FBXO4: variants seen among roughly 807,000 people sequenced by gnomAD.
FBXO4 encodes the protein F-box only protein 4.
Under a neutral mutation model 43.7 loss-of-function variants are expected in FBXO4, and 36 were observed. The ratio of observed to expected loss-of-function variants is 0.82; its 90% CI spans 0.63 to 1.09. The LOEUF (loss-of-function observed/expected upper bound fraction) is 1.09, where lower values mean the gene tolerates loss of function less well. Among genes scored for constraint, FBXO4 ranks in the 50% least tolerant of loss-of-function variants. FBXO4 has a pLI of 0.00. For missense variants in FBXO4, 435 were observed against 474.1 expected (o/e 0.92, Z 0.77); for synonymous variants, 180 against 165.6 (o/e 1.09, Z -0.67).
the FBXO4 span, among the ~76,000 whole-genome samples, chr5:41,955,645 G>T: frequency 6.6e-6 from 1 of 152,182 alleles, no homozygotes; most frequent in Non-Finnish European, 1.5e-5. Context: ...TCATAGGGCG[G>T]AGTAGACAGA....
Position 41,926,996 on chromosome 5 carries a change from G to T in FBXO4, c.190-17G>T, listed in dbSNP as rs1207423395. ...TCTTCATTCCTTTTTCCTACCTGCT[G>T]CTTTCTTCTGTTTCAGATTGATGTA... is the stretch of plus-strand genomic sequence containing the variant. On this transcript the variant is annotated splice_polypyrimidine_tract_variant and intron_variant, in intron 1 of 6. Transcript: ENST00000281623. 6.7e-7 allele frequency: 1 copy of T among 1,501,228 alleles called. No homozygotes were observed. The highest frequency in any genetic ancestry group is 9.0e-7 in the Non-Finnish European group (1 of 1,107,626). The allele number at this position is 1,501,228 out of a possible 1,614,324, so 93.0% of individuals were successfully genotyped here.
At chr5:41,983,597 T>A in the FBXO4 span, among the ~76,000 whole-genome samples, 5 of 152,148 alleles carry the variant, frequency 3.3e-5, no homozygotes, top group Non-Finnish European at 5.9e-5. Flanking sequence ...TTTTTCTTGG[T>A]CTTTTCCTAA....
the FBXO4 span, among the ~76,000 whole-genome samples, chr5:41,989,438 A>C: frequency 0.025 from 3,852 of 152,248 alleles, 50 homozygotes; most frequent in Middle Eastern, 0.041. Flanking sequence ...TTCCGTTACG[A>C]TCTTAGCAAG....
At chr5:41,931,042 G>A (rs959834167) in intron 3 of FBXO4, among the ~76,000 whole-genome samples, 1 of 152,310 alleles carries the variant, frequency 6.6e-6, no homozygotes, top group Non-Finnish European at 1.5e-5. Context: ...GTGGAGCTAT[G>A]TGAAAAGACA....
chr5:41,961,728 G>A, the FBXO4 span, among the ~76,000 whole-genome samples: 1 of 152,164 alleles, frequency 6.6e-6, no homozygotes, highest in Admixed American at 6.5e-5. Flanking sequence ...TGGCTTATGG[G>A]CAGGGCACTT....
At chr5:42,018,581 A>G in the FBXO4 span, among the ~76,000 whole-genome samples, 126 of 152,164 alleles carry the variant, frequency 8.3e-4, no homozygotes, top group Non-Finnish European at 1.0e-3. Context: ...TAAAGTGTAG[A>G]AAGTACTTAA....
At chr5:42,039,769 C>T in the FBXO4 span, among the ~76,000 whole-genome samples, 3 of 151,948 alleles carry the variant, frequency 2.0e-5, no homozygotes, top group Non-Finnish European at 4.4e-5. Context: ...AATTAAGTGC[C>T]CAAATCAATT....
At chr5:41,994,936 G>A in the FBXO4 span, among the ~76,000 whole-genome samples, 1 of 152,120 alleles carries the variant, frequency 6.6e-6, no homozygotes, top group Non-Finnish European at 1.5e-5. Context: ...CTGGGCCCAT[G>A]AATCCTGGCC....
the FBXO4 span, among the ~76,000 whole-genome samples, chr5:41,995,109 T>C: frequency 6.6e-6 from 1 of 152,126 alleles, no homozygotes; most frequent in Non-Finnish European, 1.5e-5. Context: ...TTCAGGATGA[T>C]GGGGAACATG....
At chr5:42,026,498 A>G in the FBXO4 span, among the ~76,000 whole-genome samples, 1 of 152,030 alleles carries the variant, frequency 6.6e-6, no homozygotes, top group African/African-American at 2.4e-5. Context: ...AGATTATATC[A>G]TCTGCAAGGA....
chr5:42,025,016 G>A, the FBXO4 span, among the ~76,000 whole-genome samples: 2 of 152,052 alleles, frequency 1.3e-5, no homozygotes, highest in African/African-American at 4.8e-5. Flanking sequence ...AAATATGGGA[G>A]TGCAGATATC....
downstream of FBXO4, among the ~76,000 whole-genome samples, chr5:41,945,396 T>C (rs1300491257): frequency 2.0e-5 from 3 of 152,330 alleles, no homozygotes; most frequent in Admixed American, 6.5e-5. Context: ...ATACATAAAA[T>C]ATTCACAATC....
At chr5:41,977,541 G>A in the FBXO4 span, among the ~76,000 whole-genome samples, 1 of 152,278 alleles carries the variant, frequency 6.6e-6, no homozygotes, top group African/African-American at 2.4e-5. Flanking sequence ...CTGGACACAA[G>A]GCAACCAAGA....
the FBXO4 span, among the ~76,000 whole-genome samples, chr5:42,003,530 T>A: frequency 1.8e-4 from 28 of 152,334 alleles, no homozygotes; most frequent in African/African-American, 6.5e-4. Context: ...ATTTATTTTT[T>A]AAATTACACT....
the FBXO4 span, among the ~76,000 whole-genome samples, chr5:42,003,815 G>A: frequency 6.6e-6 from 1 of 152,008 alleles, no homozygotes; most frequent in Non-Finnish European, 1.5e-5. Context: ...AAGACAGTGT[G>A]GTGATTCCTC....
At chr5:41,956,446 G>A in the FBXO4 span, among the ~76,000 whole-genome samples, 7 of 152,144 alleles carry the variant, frequency 4.6e-5, no homozygotes, top group Non-Finnish European at 1.0e-4. Flanking sequence ...AAACATTAAA[G>A]AGCATTAGTG....
chr5:42,026,496 T>TCATC, the FBXO4 span, among the ~76,000 whole-genome samples: 1 of 151,908 alleles, frequency 6.6e-6, no homozygotes, highest in Non-Finnish European at 1.5e-5. Context: ...GAAGATTATA[T>TCATC]CATCTGCAAG....
the FBXO4 span, among the ~76,000 whole-genome samples, chr5:42,006,520 G>A: frequency 6.6e-6 from 1 of 151,942 alleles, no homozygotes; most frequent in Non-Finnish European, 1.5e-5. Flanking sequence ...ATAGTATATA[G>A]CAATAAGTAA....
At chr5:42,032,190 C>T in the FBXO4 span, among the ~76,000 whole-genome samples, 1 of 151,898 alleles carries the variant, frequency 6.6e-6, no homozygotes, top group Non-Finnish European at 1.5e-5. Flanking sequence ...CTGAAGCCAG[C>T]ACAGCACTAT....
Sources: allele counts gnomAD v4.1 joint callset (sites outside exome capture counted in the v4.1 genomes callset), GRCh38; gene constraint gnomAD v4.1.1; transcripts MANE v1.5; gene names NCBI Gene and HGNC (gene_info 2026-07-23, HGNC 2026-07-21).